The following KCNH8 variants were observed in gnomAD, a reference collection of about 807,000 sequenced individuals.
The protein encoded by KCNH8 is potassium voltage-gated channel subfamily H member 8, also known as voltage-gated delayed rectifier potassium channel KCNH8.
A neutral mutation model predicts 103.6 loss-of-function variants in KCNH8; 70 were observed. The ratio of observed to expected loss-of-function variants is 0.68; its 90% CI spans 0.56 to 0.82. KCNH8 has a LOEUF of 0.82. Ranked by LOEUF, KCNH8 falls within the 40% of genes least tolerant of loss-of-function variation. The pLI is 0.00. For missense variants in KCNH8, 1,217 were observed against 1,329.9 expected (o/e 0.92, Z 1.32); for synonymous variants, 498 against 489.4 (o/e 1.02, Z -0.23).
At chr3:19,458,078 G>C (rs527385903) in intron 11 of KCNH8, among the ~76,000 whole-genome samples, 2 of 147,010 alleles carry the variant, frequency 1.4e-5, no homozygotes, top group Admixed American at 1.3e-4. Context: ...GGTAAGTCTT[G>C]ATCTATTTTT....
At chr3:19,169,585 A>G (rs959512674) in intron 1 of KCNH8, among the ~76,000 whole-genome samples, 4 of 152,182 alleles carry the variant, frequency 2.6e-5, no homozygotes, top group African/African-American at 4.8e-5. Context: ...GAATGAAAGA[A>G]GCGTTGTTAA....
At chr3:19,459,634 T>C (rs2067590103) in intron 11 of KCNH8, among the ~76,000 whole-genome samples, 1 of 152,150 alleles carries the variant, frequency 6.6e-6, no homozygotes, top group South Asian at 2.1e-4. Flanking sequence ...TTTGCTTTTG[T>C]TGCCTGTGCT....
intron 15 of KCNH8, among the ~76,000 whole-genome samples, chr3:19,530,384 T>C (rs1309195017): frequency 6.6e-6 from 1 of 152,116 alleles, no homozygotes; most frequent in African/African-American, 2.4e-5. Flanking sequence ...ATACACTGTA[T>C]TCATATATAA....
chr3:19,499,721 T>A (rs1162433207), intron 11 of KCNH8, among the ~76,000 whole-genome samples: 2 of 152,122 alleles, frequency 1.3e-5, no homozygotes, highest in Non-Finnish European at 1.5e-5. Flanking sequence ...TAAAATCCTT[T>A]ACAGACAAGC....
Position 19,182,385 on chromosome 3 carries a change from G to A in KCNH8, c.76+33590G>A, listed in dbSNP as rs141581185. 4.9e-3 allele frequency among the ~76,000 whole-genome samples: 739 copies of A among 152,230 alleles called. 4 individuals are homozygous for A. The highest frequency in any genetic ancestry group is 0.017 in the African/African-American group (702 of 41,542). ...CTACTAAAAAAATACAAAAAAATTA[G>A]CCAGGCGTGGTGGCAGGTGCCTGTA... On this transcript the variant is annotated intron_variant, in intron 1 of 15. Transcript: ENST00000328405.
At chr3:19,502,589 A>G (rs2068609397) in intron 11 of KCNH8, among the ~76,000 whole-genome samples, 2 of 152,226 alleles carry the variant, frequency 1.3e-5, no homozygotes, top group Non-Finnish European at 2.9e-5. Flanking sequence ...ATATAGATCA[A>G]TGGAACAGAA....
intron 2 of KCNH8, among the ~76,000 whole-genome samples, chr3:19,254,997 T>A (rs1377989205): frequency 1.3e-5 from 2 of 152,116 alleles, no homozygotes; most frequent in African/African-American, 2.4e-5. Context: ...TAATCCCCAA[T>A]ATGATTGTAT....
At chr3:19,486,893 C>T (rs957103114) in intron 11 of KCNH8, among the ~76,000 whole-genome samples, 4 of 152,134 alleles carry the variant, frequency 2.6e-5, no homozygotes, top group Admixed American at 6.5e-5. Flanking sequence ...CTCCCCTTTC[C>T]GAATAGTGAA....
intron 11 of KCNH8, among the ~76,000 whole-genome samples, chr3:19,490,581 C>G (rs2068298755): frequency 1.3e-5 from 2 of 152,192 alleles, no homozygotes; most frequent in Admixed American, 1.3e-4. Flanking sequence ...CTACCAGGCC[C>G]CAGGGTGTGG....
intron 1 of KCNH8, among the ~76,000 whole-genome samples, chr3:19,197,104 T>G (rs1012528752): frequency 6.6e-6 from 1 of 152,048 alleles, no homozygotes; most frequent in African/African-American, 2.4e-5. Context: ...GATTTTTGCT[T>G]TACAAGCTAC....
intron 7 of KCNH8, among the ~76,000 whole-genome samples, chr3:19,430,365 T>G (rs753388550): frequency 7.9e-5 from 12 of 152,202 alleles, no homozygotes; most frequent in Non-Finnish European, 1.0e-4. Flanking sequence ...TTTTGGTTAC[T>G]GTAGCCTGGT....
intron 2 of KCNH8, among the ~76,000 whole-genome samples, chr3:19,275,536 A>G (rs1307467857): frequency 6.6e-6 from 1 of 152,132 alleles, no homozygotes; most frequent in African/African-American, 2.4e-5. Flanking sequence ...CTTGCAGCCT[A>G]TATGAGCTGC....
intron 1 of KCNH8, among the ~76,000 whole-genome samples, chr3:19,172,890 A>G (rs1250578835): frequency 6.6e-6 from 1 of 152,116 alleles, no homozygotes; most frequent in Non-Finnish European, 1.5e-5. Context: ...TAATTGCTCT[A>G]ATCCCATCTC....
At chr3:19,194,762 T>C (rs1253658318) in intron 1 of KCNH8, among the ~76,000 whole-genome samples, 1 of 151,756 alleles carries the variant, frequency 6.6e-6, no homozygotes, top group Non-Finnish European at 1.5e-5. Context: ...CCTACACATA[T>C]ATCATCTGAA....
At chr3:19,275,400 CGCT>C (rs2064654610) in intron 2 of KCNH8, among the ~76,000 whole-genome samples, 1 of 151,970 alleles carries the variant, frequency 6.6e-6, no homozygotes, top group African/African-American at 2.4e-5. Flanking sequence ...CTACCCCCCA[CGCT>C]GCCCTCCACT....
intron 1 of KCNH8, among the ~76,000 whole-genome samples, chr3:19,159,631 G>A (rs1284160663): frequency 2.0e-5 from 3 of 152,072 alleles, no homozygotes; most frequent in Non-Finnish European, 2.9e-5. Context: ...TCAAACGTTT[G>A]TGTAGTGAAT....
intron 3 of KCNH8, among the ~76,000 whole-genome samples, chr3:19,309,788 A>G (rs891291166): frequency 3.3e-5 from 5 of 151,958 alleles, no homozygotes; most frequent in Non-Finnish European, 7.4e-5. Flanking sequence ...ACCATCAGCC[A>G]TGTCCTTTTT....
At chr3:19,238,064 G>A (rs2064088023) in intron 1 of KCNH8, among the ~76,000 whole-genome samples, 1 of 152,172 alleles carries the variant, frequency 6.6e-6, no homozygotes. Flanking sequence ...TAATTTCTTA[G>A]ATTTTTCAAA....
At chr3:19,428,712 CTTACA>C (rs1172831564) in intron 7 of KCNH8, among the ~76,000 whole-genome samples, 3 of 152,140 alleles carry the variant, frequency 2.0e-5, no homozygotes, top group Admixed American at 1.3e-4. Context: ...AATAAGTAAA[CTTACA>C]TTACATAACC....
Sources: allele counts gnomAD v4.1 joint callset (sites outside exome capture counted in the v4.1 genomes callset), GRCh38; gene constraint gnomAD v4.1.1; transcripts MANE v1.5; gene names NCBI Gene and HGNC (gene_info 2026-07-23, HGNC 2026-07-21).